The following SLIT3 variants were observed in gnomAD, a reference collection of about 807,000 sequenced individuals.
The protein encoded by SLIT3 is slit homolog 3 protein.
A neutral mutation model predicts 184.0 loss-of-function variants in SLIT3; 68 were observed. The observed-to-expected ratio is 0.37, with a 90% CI of 0.30 to 0.45. The LOEUF is 0.45. SLIT3 is among the 20% of genes least tolerant of loss of function. The probability of loss-of-function intolerance (pLI) is 1.00; values close to 1 mark genes in which losing one functional copy is unlikely to be tolerated. For missense variants in SLIT3, 1,707 were observed against 2,026.0 expected (o/e 0.84, Z 3.02); for synonymous variants, 831 against 828.6 (o/e 1.00, Z -0.05).
At position 168,856,806 on chromosome 5, in the gene SLIT3, T is replaced by TGTGTGTGCGCGCGC. The variant is rs374432432; in HGVS notation, c.486-12152_486-12151insGCGCGCGCACACAC. ...GTGTGTGTGTGTGTGTGTGTGTGTG[T>TGTGTGTGCGCGCGC]GCGCGCGCGCGCACGCCTTTGTTCA... On this transcript the variant is annotated intron_variant, in intron 5 of 35. Transcript: ENST00000519560. 4.0e-4 allele frequency among the ~76,000 whole-genome samples: 55 copies of TGTGTGTGCGCGCGC among 137,814 alleles called. 2 individuals are homozygous for TGTGTGTGCGCGCGC. Among genetic ancestry groups the TGTGTGTGCGCGCGC allele is most frequent in the African/African-American group, 1.5e-3 (53 of 36,188 alleles). 90.4% of individuals were successfully genotyped at this position (137,814 alleles called of 152,430 possible).
At chr5:168,875,605 GC>G in intron 5 of SLIT3, among the ~76,000 whole-genome samples, 1 of 151,832 alleles carries the variant, frequency 6.6e-6, no homozygotes, top group South Asian at 2.1e-4. Flanking sequence ...CTGCACCCCG[GC>G]CTGGGCAACA....
intron 3 of SLIT3, among the ~76,000 whole-genome samples, chr5:169,239,915 A>G (rs573866017): frequency 1.4e-4 from 21 of 152,088 alleles, no homozygotes; most frequent in Non-Finnish European, 2.5e-4. Context: ...CTTAAAGGCT[A>G]TACATTTTCC....
chr5:169,212,043 C>T (rs1003025789), intron 3 of SLIT3, among the ~76,000 whole-genome samples: 1 of 152,116 alleles, frequency 6.6e-6, no homozygotes, highest in Non-Finnish European at 1.5e-5. Flanking sequence ...TGGGTTGGGG[C>T]CAAGTCTTTG....
chr5:169,282,111 T>C (rs1767017779), intron 1 of SLIT3, among the ~76,000 whole-genome samples: 2 of 152,194 alleles, frequency 1.3e-5, no homozygotes, highest in Admixed American at 6.5e-5. Flanking sequence ...TTTTTGAAGA[T>C]AGAGACTTGG....
At chr5:169,101,788 G>A (rs1010735450) in intron 4 of SLIT3, among the ~76,000 whole-genome samples, 4 of 152,100 alleles carry the variant, frequency 2.6e-5, no homozygotes, top group African/African-American at 9.7e-5. Context: ...CCTCACCACA[G>A]GGCCTTTGCA....
chr5:169,161,634 T>C (rs1762479633), intron 4 of SLIT3, among the ~76,000 whole-genome samples: 1 of 150,742 alleles, frequency 6.6e-6, no homozygotes, highest in African/African-American at 2.5e-5. Flanking sequence ...GTTTCAAAGC[T>C]GTGGTCATAA....
At chr5:168,848,606 G>T (rs114372095) in intron 5 of SLIT3, among the ~76,000 whole-genome samples, 24 of 152,156 alleles carry the variant, frequency 1.6e-4, no homozygotes, top group Non-Finnish European at 3.2e-4. Context: ...CAGGAAGCTC[G>T]AATTTCGGCA....
intron 3 of SLIT3, among the ~76,000 whole-genome samples, chr5:169,200,959 T>C (rs1332022027): frequency 6.6e-6 from 1 of 152,210 alleles, no homozygotes; most frequent in Non-Finnish European, 1.5e-5. Context: ...ACAGACTCAA[T>C]ACCCAGGGCC....
intron 4 of SLIT3, among the ~76,000 whole-genome samples, chr5:169,150,215 C>A (rs1023253272): frequency 2.6e-5 from 4 of 152,200 alleles, no homozygotes; most frequent in Non-Finnish European, 5.9e-5. Flanking sequence ...CCGCTCCAAC[C>A]CCTAATATCC....
rs142765882 is a variant in SLIT3 at position 168,774,318 on chromosome 5, G to C, written c.1212C>G (p.Asn404Lys). ...LRVNTFQDLQ[N>K]LNLLSLYDNK... ...TGTCATACAGGGAGAGCAAGTTGAGGTTCTGCAGGTCCTGAAACGTGTTCA... is the reference window on the plus strand; with the variant it reads ...TGTCATACAGGGAGAGCAAGTTGAGCTTCTGCAGGTCCTGAAACGTGTTCA... Residue 404 changes from asparagine (N) to lysine (K), a missense_variant, in exon 13 of 36, where the codon AAC (asparagine) becomes AAG (lysine). Asn to Lys is a moderately conservative substitution (Grantham distance 94). Around this residue, in one of 3 missense-constraint regions of SLIT3, gnomAD observed 1,307 missense variants for 1,511.6 expected, o/e 0.86. Transcript: ENST00000519560. The C allele has an allele frequency of 1.1e-5, 17 of 1,613,974 alleles. No individual in the cohort carries two copies. The African/African-American group carries it at 1.9e-4, about 18-fold the overall frequency.
At chr5:169,196,511 C>T (rs557744065) in intron 3 of SLIT3, among the ~76,000 whole-genome samples, 1 of 152,252 alleles carries the variant, frequency 6.6e-6, no homozygotes, top group African/African-American at 2.4e-5. Flanking sequence ...ACATGCATGT[C>T]AAACGCCATG....
At chr5:168,940,670 T>G (rs1762301793) in intron 4 of SLIT3, among the ~76,000 whole-genome samples, 1 of 152,210 alleles carries the variant, frequency 6.6e-6, no homozygotes, top group South Asian at 2.1e-4. Flanking sequence ...CAGGTTGCAT[T>G]AAATCAGTCC....
chr5:169,056,898 C>G (rs1758021505), intron 4 of SLIT3, among the ~76,000 whole-genome samples: 1 of 152,220 alleles, frequency 6.6e-6, no homozygotes. Context: ...CTATGCCCCC[C>G]ACAAGCTGTG....
chr5:168,851,771 C>A lies in SLIT3; in HGVS notation c.486-7116G>T, dbSNP rs368721565. 2.0e-5 allele frequency among the ~76,000 whole-genome samples: 3 copies of A among 152,294 alleles called. No homozygotes were observed. In the East Asian group the frequency reaches 5.8e-4, roughly 29 times the overall value. On this transcript the variant is annotated intron_variant, in intron 5 of 35. Coordinates refer to ENST00000519560, the MANE Select transcript of SLIT3 (RefSeq NM_003062.4). ...GCGATGGCTGCTTACCCTGTTATAC[C>A]CCATGGGGCTGACTCAGTTGAAAAT...
intron 9 of SLIT3, among the ~76,000 whole-genome samples, chr5:168,801,568 G>A (rs1485286014): frequency 1.3e-5 from 2 of 152,194 alleles, no homozygotes; most frequent in Admixed American, 6.5e-5. Flanking sequence ...ACCATGGGGA[G>A]ATACAGAGCA....
At position 168,693,648 on chromosome 5, in the gene SLIT3, T is replaced by C. The variant is rs188247208; in HGVS notation, c.3083-948A>G. Among the ~76,000 whole-genome samples the C allele has an allele frequency of 2.6e-3, 397 of 151,942 alleles. 3 individuals carry two copies. Among genetic ancestry groups the C allele is most frequent in the Non-Finnish European group, 4.4e-3 (302 of 67,940 alleles). ...GAAAGGTCTAACCATGAACGTTCTC[T>C]CCAGGAATGGGGTGGGAGCAGGGCG... On this transcript the variant is annotated intron_variant, in intron 28 of 35. Transcript: ENST00000519560.
intron 5 of SLIT3, among the ~76,000 whole-genome samples, chr5:168,878,066 T>C (rs1296639117): frequency 6.6e-6 from 1 of 152,188 alleles, no homozygotes; most frequent in African/African-American, 2.4e-5. Flanking sequence ...ACAGTAGGCA[T>C]TTCATACTGG....
intron 4 of SLIT3, among the ~76,000 whole-genome samples, chr5:169,066,556 T>C (rs1248877634): frequency 6.6e-6 from 1 of 152,220 alleles, no homozygotes; most frequent in African/African-American, 2.4e-5. Flanking sequence ...TTGGACAACA[T>C]ATGAAGAAGT....
At chr5:168,780,343 T>C (rs1006226668) in intron 12 of SLIT3, among the ~76,000 whole-genome samples, 5 of 152,252 alleles carry the variant, frequency 3.3e-5, no homozygotes, top group African/African-American at 1.2e-4. Flanking sequence ...GACTGTGGGA[T>C]AGGAAGATGG....
Sources: gnomAD v4.1 joint callset for allele counts (sites outside exome capture counted in the v4.1 genomes callset) on GRCh38, gnomAD v4.1.1 for gene constraint, gnomAD v4.1.1 regional missense constraint, MANE v1.5 for transcripts, NCBI Gene and HGNC (gene_info 2026-07-23, HGNC 2026-07-21) for gene names.